Variants in NLRP14 observed in about 807,000 individuals in gnomAD.
NLRP14 encodes NLR family pyrin domain containing 14.
Under a neutral mutation model 94.7 loss-of-function variants are expected in NLRP14, and 105 were observed. The ratio of observed to expected loss-of-function variants is 1.11; its 90% CI spans 0.95 to 1.30. NLRP14 has a LOEUF of 1.30. Ranked by LOEUF, NLRP14 falls within the 50% of genes most tolerant of loss-of-function variation. The pLI is 0.00. For missense variants in NLRP14, 1,362 were observed against 1,254.1 expected (o/e 1.09, Z -1.30); for synonymous variants, 508 against 459.9 (o/e 1.10, Z -1.34).
the NLRP14 span, among the ~76,000 whole-genome samples, chr11:7,088,067 A>G: frequency 6.6e-6 from 1 of 152,226 alleles, no homozygotes; most frequent in African/African-American, 2.4e-5. Flanking sequence ...TGGCAATTCT[A>G]TCAAATAAAA....
intron 3 of NLRP14, among the ~76,000 whole-genome samples, chr11:7,041,564 T>G (rs141289253): frequency 5.3e-5 from 8 of 152,322 alleles, no homozygotes; most frequent in African/African-American, 1.9e-4. Flanking sequence ...TATCATTGTA[T>G]TCTCATTTTT....
chr11:7,028,800 A>T (rs1852050725), intron 1 of NLRP14, among the ~76,000 whole-genome samples: 1 of 152,078 alleles, frequency 6.6e-6, no homozygotes, highest in Admixed American at 6.5e-5. Flanking sequence ...GGTGCTGTTG[A>T]TTGATTCATT....
chr11:7,042,285 G>T, intron 3 of NLRP14, 103 bp from the exon 4 acceptor site: 2 of 902,202 alleles, frequency 2.2e-6, no homozygotes, highest in South Asian at 2.8e-5. Context: ...GTTCTTTCTT[G>T]TTCCTAATTC....
the NLRP14 span, among the ~76,000 whole-genome samples, chr11:7,078,494 T>G: frequency 7.0e-6 from 1 of 142,806 alleles, no homozygotes; most frequent in South Asian, 2.3e-4. Context: ...AATTACATTT[T>G]AAAGAAATTA....
chr11:7,085,984 T>C, the NLRP14 span, among the ~76,000 whole-genome samples: 1 of 152,222 alleles, frequency 6.6e-6, no homozygotes. Flanking sequence ...TTCTTGGCTG[T>C]TGTGAATACT....
intron 10 of NLRP14, among the ~76,000 whole-genome samples, chr11:7,063,791 A>G (rs78070776): frequency 0.061 from 9,235 of 152,122 alleles, 485 homozygotes; most frequent in African/African-American, 0.14. Flanking sequence ...TGTAGTATTG[A>G]TTTCAAACAT....
Position 7,049,777 on chromosome 11 carries a change from A to G in NLRP14, c.2230A>G (p.Asn744Asp). The G allele has an allele frequency of 6.2e-7, 1 of 1,610,910 alleles. No individual in the cohort carries two copies. The highest frequency in any genetic ancestry group is 8.5e-7 in the Non-Finnish European group (1 of 1,177,212). Residue 744 changes from asparagine to aspartate, a missense_variant, in exon 6 of 12, where the codon AAT (asparagine) becomes GAT (aspartate). Coordinates refer to ENST00000299481, the MANE Select transcript of NLRP14 (RefSeq NM_176822.4). ...CCTAAAAGGGAGTGATATAGGGGAT[A>G]ATGGAGTAAAGTCATTGTGTGAGGC... The part of the protein sequence containing the change: ...LDLKGSDIGD[N>D]GVKSLCEALK...
chr11:7,079,951 G>A, the NLRP14 span, among the ~76,000 whole-genome samples: 1 of 152,100 alleles, frequency 6.6e-6, no homozygotes, highest in African/African-American at 2.4e-5. Context: ...ATTGCGATAG[G>A]AGGGGTAATT....
chr11:7,085,145 G>C, the NLRP14 span, among the ~76,000 whole-genome samples: 2 of 152,112 alleles, frequency 1.3e-5, no homozygotes, highest in Admixed American at 6.5e-5. Context: ...TAACCAGTTT[G>C]GTAGTATTAA....
intron 1 of NLRP14, among the ~76,000 whole-genome samples, chr11:7,036,275 T>C (rs1393967075): frequency 6.6e-6 from 1 of 152,234 alleles, no homozygotes; most frequent in Non-Finnish European, 1.5e-5. Context: ...AAACATGTGT[T>C]CCTCTTTCTA....
the NLRP14 span, among the ~76,000 whole-genome samples, chr11:7,083,082 A>T: frequency 6.6e-6 from 1 of 152,244 alleles, no homozygotes; most frequent in Non-Finnish European, 1.5e-5. Flanking sequence ...AAGTATAGTC[A>T]TCAGTCATCT....
At chr11:7,025,699 C>T (rs911600349) in intron 1 of NLRP14, among the ~76,000 whole-genome samples, 1 of 151,920 alleles carries the variant, frequency 6.6e-6, no homozygotes, top group African/African-American at 2.4e-5. Context: ...GCAAAAATGT[C>T]AAATAATTGA....
At chr11:7,030,859 G>A (rs1312872926) in intron 1 of NLRP14, among the ~76,000 whole-genome samples, 4 of 152,212 alleles carry the variant, frequency 2.6e-5, no homozygotes, top group Non-Finnish European at 5.9e-5. Context: ...AAGCAAGGAG[G>A]AAGGACGTGC....
chr11:7,064,813 CTATA>C (rs1045983435), intron 10 of NLRP14, among the ~76,000 whole-genome samples: 1 of 151,822 alleles, frequency 6.6e-6, no homozygotes, highest in Non-Finnish European at 1.5e-5. Flanking sequence ...TATAATTTTC[CTATA>C]TACTCTTTTT....
chr11:7,089,662 C>A, the NLRP14 span: 1 of 1,450,282 alleles, frequency 6.9e-7, no homozygotes, highest in Non-Finnish European at 9.1e-7. Context: ...CGCGGGAGGG[C>A]CCTGGCCGTG....
chr11:7,060,853 G>T (rs558050011), intron 9 of NLRP14, among the ~76,000 whole-genome samples: 1 of 152,082 alleles, frequency 6.6e-6, no homozygotes, highest in Non-Finnish European at 1.5e-5. Context: ...AGGTGTGCAT[G>T]CTGAGAATAA....
intron 10 of NLRP14, among the ~76,000 whole-genome samples, chr11:7,069,306 G>A (rs1852755779): frequency 6.6e-6 from 1 of 152,084 alleles, no homozygotes; most frequent in South Asian, 2.1e-4. Flanking sequence ...AAAAAGTTTT[G>A]TATGCTCAGC....
intron 6 of NLRP14, among the ~76,000 whole-genome samples, chr11:7,050,710 T>C (rs1248780850): frequency 1.4e-4 from 21 of 152,148 alleles, no homozygotes; most frequent in Admixed American, 1.3e-3. Context: ...AAAACTCTTA[T>C]CGGTTTTTAT....
the NLRP14 span, among the ~76,000 whole-genome samples, chr11:7,079,136 G>T: frequency 6.6e-6 from 1 of 152,196 alleles, no homozygotes; most frequent in Non-Finnish European, 1.5e-5. Flanking sequence ...AGATTTTCTG[G>T]GGGGCCAGAG....
Sources: gnomAD v4.1 joint callset for allele counts (sites outside exome capture counted in the v4.1 genomes callset) on GRCh38, gnomAD v4.1.1 for gene constraint, MANE v1.5 for transcripts, NCBI Gene and HGNC (gene_info 2026-07-23, HGNC 2026-07-21) for gene names.